ZBED4: variants seen among roughly 807,000 people sequenced by gnomAD.
ZBED4 encodes zinc finger BED domain-containing protein 4.
Under a neutral mutation model 15.5 loss-of-function variants are expected in ZBED4, and 4 were observed. That is an observed-to-expected ratio of 0.26 (90% CI 0.13 to 0.59). The LOEUF is 0.59. Among genes scored for constraint, ZBED4 ranks in the 20% least tolerant of loss-of-function variants. The probability of loss-of-function intolerance (pLI) is 0.90; values close to 1 mark genes in which losing one functional copy is unlikely to be tolerated. For synonymous variants in ZBED4, 692 were observed against 608.5 expected (o/e 1.14, Z -2.02); for missense variants, 1,323 against 1,461.8 (o/e 0.91, Z 1.55).
Position 49,883,501 on chromosome 22 carries a change from CT to C in ZBED4, c.-155del, listed in dbSNP as rs1427182213. Reference sequence around the variant, plus strand: ...GCTGTAAGACCATGAGTCACAGATTCTTTTTTTCAGTACTATTTATGATTAG... The same window carrying C: ...GCTGTAAGACCATGAGTCACAGATTCTTTTTTCAGTACTATTTATGATTAG... On this transcript the variant is annotated 5_prime_UTR_variant, in exon 2 of 2. An upstream open reading frame in the 5' UTR gains an earlier in-frame stop. Coordinates refer to ENST00000216268, the MANE Select transcript of ZBED4 (RefSeq NM_014838.3). 8 of 1,019,072 alleles carry C rather than the reference CT, an allele frequency of 7.9e-6. No individual in the cohort carries two copies. In the East Asian group the frequency reaches 1.3e-4, roughly 17 times the overall value. 63.1% of individuals were successfully genotyped at this position (1,019,072 alleles called of 1,614,324 possible). A position where few individuals can be genotyped will look rare whatever the true frequency, so the allele number is the denominator to read the frequency against.
At chr22:49,856,941 A>C (rs2147496361) in intron 1 of ZBED4, among the ~76,000 whole-genome samples, 1 of 152,324 alleles carries the variant, frequency 6.6e-6, no homozygotes, top group Admixed American at 6.5e-5. Context: ...CTTTCCCAGC[A>C]AACTCTGTGT....
chr22:49,885,481 T>C lies in ZBED4; in HGVS notation c.1819T>C (p.Phe607Leu). Reference sequence around the variant, plus strand: ...CTGTCTTCTGAGACATTTACAGCGGTTCCATAGCAACGTGCTGAAAACTGA... The same window carrying C: ...CTGTCTTCTGAGACATTTACAGCGGCTCCATAGCAACGTGCTGAAAACTGA... ...TSCLLRHLQR[F>L]HSNVLKTEVS... The change falls in exon 2 of 2, where the codon TTC becomes CTC. Residue 607 changes from phenylalanine (F) to leucine (L), a missense_variant. By Grantham distance (22) the Phe-to-Leu change is conservative. Transcript: ENST00000216268. 6.2e-7 allele frequency: 1 copy of C among 1,612,384 alleles called. No individual in the cohort carries two copies. Among genetic ancestry groups the C allele is most frequent in the South Asian group, 1.1e-5 (1 of 91,062 alleles).
At chr22:49,873,978 C>T (rs759747236) in intron 1 of ZBED4, among the ~76,000 whole-genome samples, 3 of 152,220 alleles carry the variant, frequency 2.0e-5, no homozygotes, top group Non-Finnish European at 4.4e-5. Flanking sequence ...GGAGCTGGCC[C>T]GTGCCGAGAA....
intron 1 of ZBED4, among the ~76,000 whole-genome samples, chr22:49,878,062 T>C (rs912137133): frequency 6.6e-6 from 1 of 152,084 alleles, no homozygotes; most frequent in African/African-American, 2.4e-5. Context: ...CCCAGCACTT[T>C]GGGAGGCCGA....
chr22:49,864,554 C>T (rs1569158021), intron 1 of ZBED4, among the ~76,000 whole-genome samples: 1 of 152,138 alleles, frequency 6.6e-6, no homozygotes, highest in Non-Finnish European at 1.5e-5. Flanking sequence ...TGGTGGCTTA[C>T]GCCTATAATC....
intron 1 of ZBED4, among the ~76,000 whole-genome samples, chr22:49,863,403 C>T (rs757264836): frequency 1.3e-5 from 2 of 152,084 alleles, no homozygotes; most frequent in East Asian, 1.9e-4. Flanking sequence ...CCGAGGCAGG[C>T]GGATCACGAG....
At position 49,862,681 on chromosome 22, in the gene ZBED4, G is replaced by C. The variant is rs112936388; in HGVS notation, c.-330+8692G>C. On this transcript the variant is annotated intron_variant, in intron 1 of 1. Coordinates refer to ENST00000216268, the MANE Select transcript of ZBED4 (RefSeq NM_014838.3). ...CTGAACTGAGTACCTCTAAATATTA[G>C]TTAAGTTTTTCCTTTTTTTTTTTTT... is the stretch of plus-strand genomic sequence containing the variant. 5.5e-3 allele frequency among the ~76,000 whole-genome samples: 680 copies of C among 123,456 alleles called. 8 individuals are homozygous for C. The highest frequency in any genetic ancestry group is 0.02 in the African/African-American group (654 of 31,956). The allele number at this position is 123,456 out of a possible 152,430, so 81.0% of individuals were successfully genotyped here. A position where few individuals can be genotyped will look rare whatever the true frequency, so the allele number is the denominator to read the frequency against.
chr22:49,882,575 C>T (rs974685656), intron 1 of ZBED4, among the ~76,000 whole-genome samples: 1 of 152,254 alleles, frequency 6.6e-6, no homozygotes, highest in Non-Finnish European at 1.5e-5. Context: ...CTCCGAGCTT[C>T]GGCTCAGTTA....
At chr22:49,874,349 C>T (rs1376847011) in intron 1 of ZBED4, among the ~76,000 whole-genome samples, 1 of 151,776 alleles carries the variant, frequency 6.6e-6, no homozygotes, top group Non-Finnish European at 1.5e-5. Context: ...GAATGACGTG[C>T]CCATATGGTT....
At chr22:49,875,746 C>G (rs933475082) in intron 1 of ZBED4, among the ~76,000 whole-genome samples, 1 of 152,058 alleles carries the variant, frequency 6.6e-6, no homozygotes, top group Non-Finnish European at 1.5e-5. Flanking sequence ...AGTTGCAGAA[C>G]TTATTTTTAT....
At position 49,885,504 on chromosome 22, in the gene ZBED4, T is replaced by C. The variant is rs1296133277; in HGVS notation, c.1842T>C (p.Thr614=). The change falls in exon 2 of 2, where the codon ACT becomes ACC. Residue 614 remains threonine (T), a synonymous_variant. Coordinates refer to ENST00000216268, the MANE Select transcript of ZBED4 (RefSeq NM_014838.3). ...LQRFHSNVLK[T]EVSETARPSS... ...GGTTCCATAGCAACGTGCTGAAAAC[T>C]GAGGTCTCGGAGACGGCTCGGCCCT... 3.1e-6 allele frequency: 5 copies of C among 1,610,898 alleles called. No individual in the cohort carries two copies. The South Asian group carries it at 4.4e-5, about 14-fold the overall frequency.
chr22:49,861,281 A>G (rs937469594), intron 1 of ZBED4, among the ~76,000 whole-genome samples: 1 of 151,862 alleles, frequency 6.6e-6, no homozygotes, highest in African/African-American at 2.4e-5. Context: ...AGCTGGGACT[A>G]CAGGCACCCG....
Position 49,886,625 on chromosome 22 carries a change from C to T in ZBED4, c.2963C>T (p.Ala988Val). 6.3e-7 allele frequency: 1 copy of T among 1,581,444 alleles called. No homozygotes were observed. The highest frequency in any genetic ancestry group is 1.7e-4 in the Middle Eastern group (1 of 5,876). ...ACCATGCTGCGCTCTCTGAAGGAGGCCATGGTGAGCCGCCTGTCTGCCACC... is the reference window on the plus strand; with the variant it reads ...ACCATGCTGCGCTCTCTGAAGGAGGTCATGGTGAGCCGCCTGTCTGCCACC... ...IDTMLRSLKE[A>V]MVSRLSATLH... The change falls in exon 2 of 2, where the codon GCC becomes GTC. Residue 988 changes from alanine (A) to valine (V), a missense_variant. By Grantham distance (64) the Ala-to-Val change is moderately conservative (BLOSUM62 0). Coordinates refer to ENST00000216268, the MANE Select transcript of ZBED4 (RefSeq NM_014838.3). This position sits in a 1 kb window ranked among gnomAD's most constrained non-coding sequence, Gnocchi z 7.7.
intron 1 of ZBED4, among the ~76,000 whole-genome samples, chr22:49,869,168 T>A (rs900275742): frequency 7.3e-5 from 11 of 150,756 alleles, no homozygotes; most frequent in African/African-American, 2.7e-4. Flanking sequence ...AGGGGGATGC[T>A]CGGTCTTGTG....
chr22:49,879,665 C>T (rs888471820), intron 1 of ZBED4, among the ~76,000 whole-genome samples: 1 of 93,678 alleles, frequency 1.1e-5, no homozygotes, highest in African/African-American at 3.3e-5. Context: ...TGGTTTTTCT[C>T]CTGGTCAGTG....
At position 49,884,243 on chromosome 22, in the gene ZBED4, C is replaced by T. The variant is rs367826109; in HGVS notation, c.581C>T (p.Ala194Val). ...TCACTCCTGCTTCCACCACAGCCTGCGGACGCGGGTGACCTCAGCACCATC... is the reference window on the plus strand; with the variant it reads ...TCACTCCTGCTTCCACCACAGCCTGTGGACGCGGGTGACCTCAGCACCATC... ...SPSLLLPPQP[A>V]DAGDLSTILS... The change falls in exon 2 of 2, where the codon GCG becomes GTG. Residue 194 changes from alanine (A) to valine (V), a missense_variant. Around this residue, in one of 6 missense-constraint regions of ZBED4, gnomAD observed 380 missense variants for 413.7 expected, o/e 0.92. Coordinates refer to ENST00000216268, the MANE Select transcript of ZBED4 (RefSeq NM_014838.3). The T allele has an allele frequency of 8.7e-6, 14 of 1,600,614 alleles. No individual in the cohort carries two copies. The highest frequency in any genetic ancestry group is 4.0e-5 in the African/African-American group (3 of 74,550).
At chr22:49,864,359 C>A (rs2060310481) in intron 1 of ZBED4, among the ~76,000 whole-genome samples, 1 of 152,264 alleles carries the variant, frequency 6.6e-6, no homozygotes. Flanking sequence ...CCACCTATAT[C>A]ATTACTGAAA....
chr22:49,857,232 T>G (rs1298194741), intron 1 of ZBED4, among the ~76,000 whole-genome samples: 3 of 152,186 alleles, frequency 2.0e-5, no homozygotes, highest in African/African-American at 7.2e-5. Context: ...CCACATCCTG[T>G]AAGTGAGAGA....
chr22:49,860,324 AATAC>A (rs1421680757), intron 1 of ZBED4, among the ~76,000 whole-genome samples: 1 of 152,144 alleles, frequency 6.6e-6, no homozygotes. Context: ...CAAAACAAAA[AATAC>A]ATATATATAG....
Sources: gnomAD v4.1 joint callset for allele counts (sites outside exome capture counted in the v4.1 genomes callset) on GRCh38, gnomAD v4.1.1 for gene constraint, gnomAD v4.1.1 regional missense constraint, Gnocchi (gnomAD v3.1) non-coding constraint, MANE v1.5 for transcripts, NCBI Gene and HGNC (gene_info 2026-07-23, HGNC 2026-07-21) for gene names.